Variants in C12orf42 observed in about 807,000 individuals in gnomAD.
The protein encoded by C12orf42 is chromosome 12 open reading frame 42.
C12orf42 carries 25 observed loss-of-function variants against 21.6 expected under a neutral mutation model. The observed-to-expected ratio is 1.16, with a 90% confidence interval of 0.84 to 1.62. C12orf42 has a LOEUF of 1.62. C12orf42 is among the 40% of genes most tolerant of loss of function. C12orf42 has a pLI of 0.00. For synonymous variants in C12orf42, 174 were observed against 175.0 expected (o/e 0.99, Z 0.05); for missense variants, 483 against 459.3 (o/e 1.05, Z -0.47).
the C12orf42 span, among the ~76,000 whole-genome samples, chr12:103,543,191 G>A: frequency 3.3e-5 from 5 of 152,286 alleles, no homozygotes; most frequent in South Asian, 8.3e-4. Context: ...AGGAGTTGTT[G>A]GAACTGCAAC....
At chr12:103,048,647 G>A in the C12orf42 span, among the ~76,000 whole-genome samples, 7 of 152,052 alleles carry the variant, frequency 4.6e-5, no homozygotes, top group African/African-American at 1.4e-4. Flanking sequence ...TTCAAGAAAG[G>A]AACCAAAGAG....
At chr12:103,450,886 A>G (rs1156829860) in intron 2 of C12orf42, among the ~76,000 whole-genome samples, 1 of 152,170 alleles carries the variant, frequency 6.6e-6, no homozygotes, top group East Asian at 1.9e-4. Context: ...TTGGAATTTT[A>G]CCAATCTCAG....
chr12:103,522,265 G>T, the C12orf42 span, among the ~76,000 whole-genome samples: 5 of 152,062 alleles, frequency 3.3e-5, no homozygotes, highest in African/African-American at 1.2e-4. Flanking sequence ...GTAAGGCATC[G>T]GTTGTTCTTC....
At chr12:103,150,247 A>G in the C12orf42 span, among the ~76,000 whole-genome samples, 1 of 152,224 alleles carries the variant, frequency 6.6e-6, no homozygotes, top group Non-Finnish European at 1.5e-5. Context: ...GTTAGGCACT[A>G]GGGATACAAA....
chr12:103,512,026 T>C, the C12orf42 span, among the ~76,000 whole-genome samples: 74 of 152,256 alleles, frequency 4.9e-4, no homozygotes, highest in African/African-American at 1.7e-3. Flanking sequence ...AAGCTAATAT[T>C]TGAGGTTGCT....
At chr12:103,537,288 G>A in the C12orf42 span, among the ~76,000 whole-genome samples, 1 of 151,848 alleles carries the variant, frequency 6.6e-6, no homozygotes, top group African/African-American at 2.4e-5. Flanking sequence ...CATTGTCTGG[G>A]GTAGTTATTG....
At chr12:103,135,777 C>T in the C12orf42 span, among the ~76,000 whole-genome samples, 4 of 152,236 alleles carry the variant, frequency 2.6e-5, no homozygotes, top group African/African-American at 9.6e-5. Flanking sequence ...AAATGTAATA[C>T]CTGATATCAA....
At chr12:103,207,883 G>A in the C12orf42 span, among the ~76,000 whole-genome samples, 3 of 152,182 alleles carry the variant, frequency 2.0e-5, no homozygotes, top group Admixed American at 6.5e-5. Context: ...AAGCTTAATG[G>A]AGTACAAGAG....
chr12:103,268,806 T>C (rs1230149378), exon 7 of C12orf42: 2 of 152,168 alleles, frequency 1.3e-5, no homozygotes, highest in Non-Finnish European at 2.9e-5. Flanking sequence ...AGAGAAAGCA[T>C]GCATGTGTCA....
At position 103,451,980 on chromosome 12, in the gene C12orf42, C is replaced by T. The variant is rs139891299; in HGVS notation, c.78+26369G>A. On this transcript the variant is annotated intron_variant, in intron 2 of 5. Coordinates refer to ENST00000548883, the MANE Select transcript of C12orf42 (RefSeq NM_198521.5). ...GGCTATGTAACAAACCACCCTAAAA[C>T]GCAATGACTTAAAACAATAAGCCTT... is the stretch of plus-strand genomic sequence containing the variant. Among the ~76,000 whole-genome samples the T allele has an allele frequency of 5.7e-4, 87 of 152,078 alleles. 2 individuals carry two copies. Among genetic ancestry groups the T allele is most frequent in the African/African-American group, 1.7e-3 (72 of 41,472 alleles).
the C12orf42 span, among the ~76,000 whole-genome samples, chr12:103,161,818 G>T: frequency 2.0e-5 from 3 of 152,282 alleles, no homozygotes; most frequent in Non-Finnish European, 4.4e-5. Context: ...ACACAAAAAT[G>T]ACCTATTTGT....
intron 3 of C12orf42, among the ~76,000 whole-genome samples, chr12:103,378,232 T>C (rs1454138371): frequency 6.6e-6 from 1 of 152,190 alleles, no homozygotes; most frequent in Admixed American, 6.5e-5. Flanking sequence ...GGGAAGGGGA[T>C]ATAAATAAGT....
the C12orf42 span, among the ~76,000 whole-genome samples, chr12:103,147,621 C>T: frequency 7.4e-5 from 5 of 67,922 alleles, no homozygotes; most frequent in South Asian, 4.6e-4. Flanking sequence ...TCTTCTCTCT[C>T]TCTTTTTTTT....
chr12:103,402,180 G>A (rs574452497), intron 2 of C12orf42, among the ~76,000 whole-genome samples: 5 of 152,110 alleles, frequency 3.3e-5, no homozygotes, highest in Non-Finnish European at 7.4e-5. Context: ...TGCTTGGCAC[G>A]TAGAATTATC....
chr12:103,531,477 C>T, the C12orf42 span, among the ~76,000 whole-genome samples: 7 of 152,114 alleles, frequency 4.6e-5, no homozygotes, highest in Non-Finnish European at 1.0e-4. Flanking sequence ...CCCTTGAATA[C>T]AGTTTTTCTA....
the C12orf42 span, among the ~76,000 whole-genome samples, chr12:103,155,630 G>A: frequency 2.4e-5 from 3 of 123,820 alleles, no homozygotes; most frequent in African/African-American, 9.3e-5. Context: ...CTTGCTGGTG[G>A]GTTACCATTT....
chr12:103,237,934 C>T (rs1387497040), intron 10 of C12orf42: 1 of 152,168 alleles, frequency 6.6e-6, no homozygotes, highest in East Asian at 1.9e-4. Context: ...AGAGATTCTA[C>T]CTCTTGAAGA....
At chr12:103,061,208 C>T in the C12orf42 span, among the ~76,000 whole-genome samples, 1 of 152,156 alleles carries the variant, frequency 6.6e-6, no homozygotes, top group African/African-American at 2.4e-5. Context: ...CCATCTACAC[C>T]ATAGGCAGAG....
chr12:103,411,812 T>C (rs187098384), intron 2 of C12orf42, among the ~76,000 whole-genome samples: 31 of 152,326 alleles, frequency 2.0e-4, no homozygotes, highest in African/African-American at 7.0e-4. Flanking sequence ...TACAGCATCC[T>C]GAACAGACTA....
Sources: allele counts gnomAD v4.1 joint callset (sites outside exome capture counted in the v4.1 genomes callset), GRCh38; gene constraint gnomAD v4.1.1; transcripts MANE v1.5; gene names NCBI Gene and HGNC (gene_info 2026-07-23, HGNC 2026-07-21).